DNAAF4: variants seen among roughly 807,000 people sequenced by gnomAD.
DNAAF4 encodes the protein dynein assembly factor 4, axonemal.
In DNAAF4, 43 loss-of-function variants were observed where a neutral mutation model predicts 51.8. The observed-to-expected ratio is 0.83, with a 90% CI of 0.65 to 1.07. The LOEUF is 1.07. Among genes scored for constraint, DNAAF4 ranks in the 50% least tolerant of loss-of-function variants. DNAAF4 has a pLI of 0.00. For missense variants in DNAAF4, 581 were observed against 493.0 expected (o/e 1.18, Z -1.69); for synonymous variants, 194 against 165.6 (o/e 1.17, Z -1.32).
In DNAAF4 at chr15:55,498,911, C is replaced by CAA. The variant is rs79964530; in HGVS notation, c.-255-329_-255-328dup. Among the ~76,000 whole-genome samples the CAA allele has an allele frequency of 4.0e-4, 42 of 104,686 alleles. 1 individual carries two copies. Among genetic ancestry groups the CAA allele is most frequent in the South Asian group, 1.4e-3 (4 of 2,944 alleles). 68.7% of individuals were successfully genotyped at this position (104,686 alleles called of 152,430 possible). A position where few individuals can be genotyped will look rare whatever the true frequency, so the allele number is the denominator to read the frequency against. On this transcript the variant is annotated intron_variant, in intron 1 of 9. Coordinates refer to ENST00000321149, the MANE Select transcript of DNAAF4 (RefSeq NM_130810.4). ...GGGAAACAAGAGCGAAACTCCGTCT[C>CAA]AAAAAAAAAAAAAGAAAAGAAAAAG...
At chr15:55,432,212 A>C (rs2057507515) in intron 9 of DNAAF4, among the ~76,000 whole-genome samples, 1 of 152,050 alleles carries the variant, frequency 6.6e-6, no homozygotes, top group South Asian at 2.1e-4. Flanking sequence ...CTGCCTCCCA[A>C]AGTGCTGGGA....
At chr15:55,471,048 G>C (rs2058248165) in intron 4 of DNAAF4, among the ~76,000 whole-genome samples, 1 of 141,652 alleles carries the variant, frequency 7.1e-6, no homozygotes, top group Non-Finnish European at 1.5e-5. Context: ...TTAGAGTCAG[G>C]GTCTCACTAT....
intron 4 of DNAAF4, among the ~76,000 whole-genome samples, chr15:55,486,160 C>T (rs2058485491): frequency 6.6e-6 from 1 of 150,464 alleles, no homozygotes; most frequent in South Asian, 2.1e-4. Flanking sequence ...GACCCTGCCT[C>T]GTTTTTCTGT....
intron 1 of DNAAF4, among the ~76,000 whole-genome samples, chr15:55,503,895 A>G (rs2058712787): frequency 1.3e-5 from 2 of 152,202 alleles, no homozygotes; most frequent in South Asian, 2.1e-4. Flanking sequence ...CACCACTCCA[A>G]TTCAATATAG....
rs11312285 is a variant in DNAAF4 at position 55,492,280 on chromosome 15, G to GAA, written c.272-1026_272-1025dup. Among the ~76,000 whole-genome samples, 4 of 141,208 alleles carry GAA rather than the reference G, an allele frequency of 2.8e-5. No individual in the cohort carries two copies. The South Asian group carries it at 6.7e-4, about 24-fold the overall frequency. 92.6% of individuals were successfully genotyped at this position (141,208 alleles called of 152,430 possible). ...AGGGAAAAGATCTAGCCTTTAAGCA[G>GAA]AAAAAAAAAAACAGAAGGGGAGAGG... On this transcript the variant is annotated intron_variant, in intron 3 of 9. Coordinates refer to ENST00000321149, the MANE Select transcript of DNAAF4 (RefSeq NM_130810.4).
At chr15:55,490,674 C>T (rs1365055882) in intron 4 of DNAAF4, among the ~76,000 whole-genome samples, 1 of 152,168 alleles carries the variant, frequency 6.6e-6, no homozygotes, top group Non-Finnish European at 1.5e-5. Context: ...CAAACATGGG[C>T]CGGGCACGGT....
At chr15:55,434,088 T>C (rs1391663169) in intron 8 of DNAAF4, among the ~76,000 whole-genome samples, 1 of 121,554 alleles carries the variant, frequency 8.2e-6, no homozygotes, top group East Asian at 2.4e-4. Context: ...AGAAGAGATA[T>C]GTTGAACAAC....
intron 5 of DNAAF4, among the ~76,000 whole-genome samples, chr15:55,456,683 G>A (rs1452385109): frequency 4.6e-5 from 7 of 152,168 alleles, no homozygotes; most frequent in East Asian, 3.9e-4. Context: ...CTGAAAAACC[G>A]TGAGTTCCCA....
Position 55,491,274 on chromosome 15 carries a change from T to C in DNAAF4, c.272-18A>G, listed in dbSNP as rs544467983. ...TTTGTCAACTAAAATGTACAGAATA[T>C]TGCTAAATTAGAATTATGACAAATT... On this transcript the variant is annotated intron_variant, in intron 3 of 9. Coordinates refer to ENST00000321149, the MANE Select transcript of DNAAF4 (RefSeq NM_130810.4). The C allele has an allele frequency of 1.3e-6, 2 of 1,596,352 alleles. No individual in the cohort carries two copies. The highest frequency in any genetic ancestry group is 4.5e-5 in the East Asian group (2 of 44,604).
intron 7 of DNAAF4, among the ~76,000 whole-genome samples, chr15:55,420,504 G>A (rs2057379716): frequency 6.6e-6 from 1 of 152,034 alleles, no homozygotes. Flanking sequence ...GAGTCATAAG[G>A]GGATTATAAA....
At chr15:55,432,740 T>C in intron 8 of DNAAF4, 138 bp from the exon 9 acceptor site, 1 of 604,528 alleles carries the variant, frequency 1.7e-6, no homozygotes. Flanking sequence ...GAAGTCAGGA[T>C]TTTGAGACCA....
At chr15:55,425,068 T>C (rs2057418709) in intron 7 of DNAAF4, among the ~76,000 whole-genome samples, 1 of 152,110 alleles carries the variant, frequency 6.6e-6, no homozygotes, top group Admixed American at 6.6e-5. Flanking sequence ...TTTCTCCATG[T>C]TGGTCAGGCT....
chr15:55,484,682 A>G (rs2058462450), intron 4 of DNAAF4, among the ~76,000 whole-genome samples: 1 of 152,028 alleles, frequency 6.6e-6, no homozygotes. Flanking sequence ...TTAAGTATTA[A>G]CTCACACAAT....
intron 7 of DNAAF4, among the ~76,000 whole-genome samples, chr15:55,420,680 G>T (rs973441509): frequency 2.0e-5 from 3 of 152,154 alleles, no homozygotes; most frequent in Non-Finnish European, 4.4e-5. Flanking sequence ...AAATAGTGGG[G>T]CACTGCACAA....
intron 6 of DNAAF4, among the ~76,000 whole-genome samples, chr15:55,440,065 ATTTT>A (rs539658755): frequency 6.8e-6 from 1 of 147,092 alleles, no homozygotes; most frequent in South Asian, 2.2e-4. Context: ...GATGGTGGTA[ATTTT>A]TTTTTTTTAT....
intron 7 of DNAAF4, among the ~76,000 whole-genome samples, chr15:55,438,215 G>C (rs1175903288): frequency 5.3e-5 from 8 of 151,882 alleles, no homozygotes; most frequent in Admixed American, 3.9e-4. Context: ...GTTGGGCGTG[G>C]TGGCAGGCGC....
chr15:55,442,074 G>C (rs907221585), intron 6 of DNAAF4, among the ~76,000 whole-genome samples: 20 of 152,204 alleles, frequency 1.3e-4, no homozygotes, highest in Non-Finnish European at 2.6e-4. Context: ...TATTTCTCCA[G>C]TCCGCAGTGG....
chr15:55,447,165 C>T (rs2057843743), intron 6 of DNAAF4, among the ~76,000 whole-genome samples: 1 of 149,882 alleles, frequency 6.7e-6, no homozygotes, highest in African/African-American at 2.5e-5. Flanking sequence ...AGGCGCTCCT[C>T]ACATCCCAGA....
chr15:55,486,445 C>T lies in DNAAF4; in HGVS notation c.405+4678G>A, dbSNP rs192369297. ...CTGACTTCAGGTGATCCACCTGCCT[C>T]GGCCTTCCAAAGTGCTGGGATTACA... is the stretch of plus-strand genomic sequence containing the variant. On this transcript the variant is annotated intron_variant, in intron 4 of 9. Coordinates refer to ENST00000321149, the MANE Select transcript of DNAAF4 (RefSeq NM_130810.4). 4.9e-3 allele frequency among the ~76,000 whole-genome samples: 745 copies of T among 152,156 alleles called. 7 individuals carry two copies. The highest frequency in any genetic ancestry group is 7.6e-3 in the Non-Finnish European group (515 of 68,004).
Sources: gnomAD v4.1 joint callset for allele counts (sites outside exome capture counted in the v4.1 genomes callset) on GRCh38, gnomAD v4.1.1 for gene constraint, MANE v1.5 for transcripts, NCBI Gene and HGNC (gene_info 2026-07-23, HGNC 2026-07-21) for gene names.